The following MMEL1 variants were observed in gnomAD, a reference collection of about 807,000 sequenced individuals.
The protein encoded by MMEL1 is membrane metallo-endopeptidase-like 1.
In MMEL1, 98 loss-of-function variants were observed where a neutral mutation model predicts 117.1. The observed-to-expected ratio is 0.84, with a 90% CI of 0.71 to 0.99. The LOEUF is 0.99. Among genes scored for constraint, MMEL1 ranks in the 50% least tolerant of loss-of-function variants. The pLI, the probability that MMEL1 is intolerant of heterozygous loss-of-function variation, is 0.00. For missense variants in MMEL1, 1,014 were observed against 1,049.1 expected (o/e 0.97, Z 0.46); for synonymous variants, 390 against 415.1 (o/e 0.94, Z 0.74).
chr1:2,595,087 C>T lies in MMEL1; in HGVS notation c.1584+189G>A, dbSNP rs931467051. On this transcript the variant is annotated intron_variant, in intron 16 of 23. Transcript: ENST00000378412. The surrounding 1 kb of genome is among the most constrained non-coding windows in gnomAD (Gnocchi z 4.8). ...CATGACTCTGAGCAAGTCCCTCGTC[C>T]CTCCAGGCCTCAGTTTCCCCATCTG... Among the ~76,000 whole-genome samples the T allele has an allele frequency of 3.3e-5, 5 of 152,142 alleles. No individual in the cohort carries two copies. Among genetic ancestry groups the T allele is most frequent in the African/African-American group, 7.2e-5 (3 of 41,412 alleles).
chr1:2,602,108 G>T (rs985057706), intron 11 of MMEL1, among the ~76,000 whole-genome samples: 1 of 152,266 alleles, frequency 6.6e-6, no homozygotes, highest in African/African-American at 2.4e-5. Flanking sequence ...GACCCGAGTT[G>T]TCGCATGTTC....
At position 2,611,351 on chromosome 1, in the gene MMEL1, G is replaced by A. The variant is rs377644177; in HGVS notation, c.233-11C>T. 2.0e-6 allele frequency: 3 copies of A among 1,515,060 alleles called. No individual in the cohort carries two copies. In the African/African-American group the frequency reaches 4.3e-5, roughly 22 times the overall value. The allele number at this position is 1,515,060 out of a possible 1,614,324, so 93.9% of individuals were successfully genotyped here. On this transcript the variant is annotated splice_polypyrimidine_tract_variant and intron_variant, in intron 3 of 23. Transcript: ENST00000378412. ...GGGCCTCTGGGATCCCTGCGGGCAA[G>A]GAGCAGCCTGAGCACCGGGAGCCAC...
At chr1:2,623,746 G>A (rs763117409) in intron 2 of MMEL1, among the ~76,000 whole-genome samples, 1 of 152,226 alleles carries the variant, frequency 6.6e-6, no homozygotes, top group East Asian at 1.9e-4. Flanking sequence ...AGGCTGGAGA[G>A]AGCCTCCCTT....
intron 2 of MMEL1, among the ~76,000 whole-genome samples, chr1:2,622,326 G>A (rs1645302336): frequency 6.6e-6 from 1 of 152,202 alleles, no homozygotes; most frequent in Admixed American, 6.5e-5. Flanking sequence ...CACCGGTCCT[G>A]CGGCCTTGGT....
intron 2 of MMEL1, among the ~76,000 whole-genome samples, chr1:2,622,107 AG>A (rs72502767): frequency 4.0e-5 from 2 of 49,942 alleles, no homozygotes; most frequent in South Asian, 8.2e-4. Flanking sequence ...CAGAACTAGG[AG>A]GAGAAAATAT....
intron 11 of MMEL1, among the ~76,000 whole-genome samples, chr1:2,601,009 A>G (rs925755976): frequency 5.2e-5 from 5 of 96,678 alleles, no homozygotes; most frequent in Admixed American, 1.0e-4. Flanking sequence ...TCAGCATTGC[A>G]AAGTCTCCCC....
At chr1:2,598,905 G>A in intron 11 of MMEL1, 115 bp from the exon 12 acceptor site, 1 of 774,022 alleles carries the variant, frequency 1.3e-6, no homozygotes, top group Admixed American at 2.9e-5. Flanking sequence ...AGAGAGAAGT[G>A]CAGGTAATCA....
chr1:2,609,254 G>A (rs1645085851), intron 6 of MMEL1, 85 bp downstream of exon 6: 5 of 1,349,550 alleles, frequency 3.7e-6, no homozygotes, highest in Non-Finnish European at 5.2e-6. Flanking sequence ...GGGCAGCCAT[G>A]GGGTCCTGGG....
chr1:2,630,461 C>G (rs927163388), intron 1 of MMEL1, among the ~76,000 whole-genome samples: 20 of 151,864 alleles, frequency 1.3e-4, no homozygotes, highest in Non-Finnish European at 2.6e-4. Flanking sequence ...TGTGTGCGCT[C>G]TGGTGTGTGC....
At chr1:2,593,002 C>T in intron 19 of MMEL1, 36 bp from the exon 20 acceptor site, 1 of 1,606,756 alleles carries the variant, frequency 6.2e-7, no homozygotes, top group South Asian at 1.1e-5. Context: ...CCACATGCCC[C>T]TGGCTGCACT....
intron 21 of MMEL1, 42 bp from the exon 22 acceptor site, chr1:2,592,069 T>C: frequency 6.5e-7 from 1 of 1,536,070 alleles, no homozygotes; most frequent in Non-Finnish European, 9.0e-7. Flanking sequence ...CCTGCCAGCC[T>C]GGACTCCAGA....
intron 2 of MMEL1, among the ~76,000 whole-genome samples, chr1:2,619,558 T>G (rs1645257705): frequency 6.6e-6 from 1 of 151,172 alleles, no homozygotes; most frequent in African/African-American, 2.4e-5. Context: ...CTCAGGAGGC[T>G]GAGGCATGAG....
rs563010633 is a variant in MMEL1, at chr1:2,628,850, G to A, written c.154+481C>T. On this transcript the variant is annotated intron_variant, in intron 2 of 23. Coordinates refer to ENST00000378412, the MANE Select transcript of MMEL1 (RefSeq NM_033467.4). ...ACCCGGCCTTGAGCGGGGCGGGGGC[G>A]GCAGGACCCTCAGGTCTCTCCGCAG... 1.6e-3 allele frequency among the ~76,000 whole-genome samples: 250 copies of A among 152,260 alleles called. 1 individual carries two copies. Among genetic ancestry groups the A allele is most frequent in the African/African-American group, 5.7e-3 (238 of 41,554 alleles).
chr1:2,618,549 A>G (rs962783822), intron 2 of MMEL1, among the ~76,000 whole-genome samples: 1 of 152,174 alleles, frequency 6.6e-6, no homozygotes, highest in African/African-American at 2.4e-5. Flanking sequence ...AACTTCACAG[A>G]GTGGAGAAAG....
intron 4 of MMEL1, among the ~76,000 whole-genome samples, chr1:2,610,297 C>T (rs1645105181): frequency 6.6e-6 from 1 of 152,180 alleles, no homozygotes; most frequent in Admixed American, 6.5e-5. Context: ...ACCTCGGCCT[C>T]CAGAGTTGCT....
intron 12 of MMEL1, 143 bp downstream of exon 12, chr1:2,598,511 C>T (rs1644882221): frequency 7.2e-7 from 1 of 1,391,418 alleles, no homozygotes; most frequent in Middle Eastern, 2.2e-4. Flanking sequence ...CCACTGGCCA[C>T]TAAAGCTTAA....
At chr1:2,610,575 G>T (rs1645108971) in intron 4 of MMEL1, among the ~76,000 whole-genome samples, 1 of 152,130 alleles carries the variant, frequency 6.6e-6, no homozygotes, top group African/African-American at 2.4e-5. Context: ...CAGTGTGCTT[G>T]GTCCCCAGAG....
chr1:2,607,126 C>T (rs1310649357), intron 6 of MMEL1, 57 bp from the exon 7 acceptor site: 36 of 1,496,834 alleles, frequency 2.4e-5, no homozygotes, highest in Non-Finnish European at 3.1e-5. Flanking sequence ...CGTGCCACGA[C>T]ACAGAACTGT....
chr1:2,622,870 T>G (rs1348999135), intron 2 of MMEL1, among the ~76,000 whole-genome samples: 6 of 108,608 alleles, frequency 5.5e-5, no homozygotes, highest in East Asian at 2.5e-4. Context: ...GGTGAAAGAG[T>G]GAAACTCTGT....
Sources: allele counts gnomAD v4.1 joint callset (sites outside exome capture counted in the v4.1 genomes callset), GRCh38; gene constraint gnomAD v4.1.1; non-coding constraint Gnocchi (gnomAD v3.1); transcripts MANE v1.5; gene names NCBI Gene and HGNC (gene_info 2026-07-23, HGNC 2026-07-21).